The following MFSD12 variants were observed in gnomAD, a reference collection of about 807,000 sequenced individuals.
MFSD12 encodes major facilitator superfamily domain-containing protein 12.
In MFSD12, 67 loss-of-function variants were observed where a neutral mutation model predicts 51.2. The observed-to-expected ratio is 1.31, with a 90% CI of 1.08 to 1.60. MFSD12 has a LOEUF of 1.60. Ranked by LOEUF, MFSD12 falls within the 40% of genes most tolerant of loss-of-function variation. MFSD12 has a pLI of 0.00. For synonymous variants in MFSD12, 441 were observed against 316.7 expected (o/e 1.39, Z -4.17); for missense variants, 921 against 673.0 (o/e 1.37, Z -4.08).
At position 3,544,601 on chromosome 19, in the gene MFSD12, G is replaced by C. The variant is rs376212067; in HGVS notation, c.*109C>G. ...GGGAGCTGGGTGAGGATGGAGGGTG[G>C]GGGTCCAGAGAAGAGTGAGGGGCAG... On this transcript the variant is annotated 3_prime_UTR_variant, in exon 10 of 10. Transcript: ENST00000355415. The C allele has an allele frequency of 3.9e-3, 5,768 of 1,488,958 alleles. 17 individuals carry two copies. Among genetic ancestry groups the C allele is most frequent in the Non-Finnish European group, 4.6e-3 (5,148 of 1,121,728 alleles). The allele number at this position is 1,488,958 out of a possible 1,614,324, so 92.2% of individuals were successfully genotyped here. A position where few individuals can be genotyped will look rare whatever the true frequency, so the allele number is the denominator to read the frequency against.
At chr19:3,552,324 T>A (rs534426408) in intron 1 of MFSD12, among the ~76,000 whole-genome samples, 3 of 145,034 alleles carry the variant, frequency 2.1e-5, no homozygotes, top group Admixed American at 6.9e-5. Flanking sequence ...CATGCCACCA[T>A]ACCCAGCTAA....
At chr19:3,553,562 A>T (rs1222907721) in intron 1 of MFSD12, among the ~76,000 whole-genome samples, 9 of 150,938 alleles carry the variant, frequency 6.0e-5, no homozygotes, top group Non-Finnish European at 1.2e-4. Context: ...AGGTCAGGAG[A>T]TCGAGACCAT....
chr19:3,545,986 C>T, intron 8 of MFSD12, 88 bp downstream of exon 8: 1 of 1,416,008 alleles, frequency 7.1e-7, no homozygotes, highest in Non-Finnish European at 9.9e-7. Context: ...AGCTGGATGC[C>T]CAGACCCAGA....
chr19:3,542,807 G>A (rs777450876), downstream of MFSD12: 4 of 1,371,948 alleles, frequency 2.9e-6, no homozygotes, highest in Non-Finnish European at 3.9e-6. Context: ...TCTTCCCTGG[G>A]CCATGGCTTA....
In MFSD12 at chr19:3,548,185, C is replaced by G. The variant is rs1195679801; in HGVS notation, c.592G>C (p.Glu198Gln). 1 of 1,581,718 alleles carries G rather than the reference C, an allele frequency of 6.3e-7. No homozygotes were observed. The highest frequency in any genetic ancestry group is 1.1e-5 in the South Asian group (1 of 87,822). ...LLHLQGSSRVEPTQDISISDQ... is the reference protein window; with the variant it reads ...LLHLQGSSRVQPTQDISISDQ... ...CTGATGCTGATGTCTTGGGTGGGCT[C>G]CACCCGCGACGAGCCCTGCAGGTGC... Residue 198 changes from glutamate (E) to glutamine (Q), a missense_variant, in exon 3 of 10, where the codon GAG becomes CAG. Glu to Gln is a conservative substitution (Grantham distance 29). Transcript: ENST00000355415.
chr19:3,549,307 G>GT (rs1568259082), intron 2 of MFSD12, among the ~76,000 whole-genome samples: 4 of 152,196 alleles, frequency 2.6e-5, no homozygotes. Context: ...AGCAGCAGCT[G>GT]TAAGTCCACC....
intron 1 of MFSD12, among the ~76,000 whole-genome samples, chr19:3,552,573 C>G (rs1324660756): frequency 1.4e-5 from 2 of 147,768 alleles, no homozygotes; most frequent in Non-Finnish European, 3.0e-5. Flanking sequence ...CTCCCTAGCT[C>G]AAGCCATTCT....
chr19:3,546,810 C>T (rs2145191867), intron 6 of MFSD12, among the ~76,000 whole-genome samples: 1 of 152,264 alleles, frequency 6.6e-6, no homozygotes, highest in East Asian at 1.9e-4. Context: ...AGCCAGGATC[C>T]TAGAATTCCT....
rs1249698605 is a variant in MFSD12 at position 3,551,756 on chromosome 19, T to C, written c.299-562A>G. Among the ~76,000 whole-genome samples the C allele has an allele frequency of 1.3e-5, 2 of 152,102 alleles. No homozygotes were observed. Among genetic ancestry groups the C allele is most frequent in the Admixed American group, 6.5e-5 (1 of 15,272 alleles). ...AACCCCTAAGATACCCTGGAACAAATGTAAGATCCTCCCCGCAGCCCACGG... is the reference window on the plus strand; with the variant it reads ...AACCCCTAAGATACCCTGGAACAAACGTAAGATCCTCCCCGCAGCCCACGG... On this transcript the variant is annotated intron_variant, in intron 1 of 9. Coordinates refer to ENST00000355415, the MANE Select transcript of MFSD12 (RefSeq NM_174983.5). This position sits in a 1 kb window ranked among gnomAD's most constrained non-coding sequence, Gnocchi z 4.6.
Position 3,546,185 on chromosome 19 carries a change from G to A in MFSD12, c.1195-17C>T, listed in dbSNP as rs141514254. On this transcript the variant is annotated splice_polypyrimidine_tract_variant and intron_variant, in intron 7 of 9. Transcript: ENST00000355415. ...TCCGCTGTTCTGTGGAGACACAGGC[G>A]AGGTGGTCAGCGTGCACCCCGAGAT... 14,506 of 1,611,642 alleles carry A rather than the reference G, an allele frequency of 9.0e-3. 114 individuals carry two copies. The highest frequency in any genetic ancestry group is 0.026 in the South Asian group (2,402 of 91,054).
downstream of MFSD12, chr19:3,543,862 T>C (rs771039633): frequency 7.7e-6 from 12 of 1,548,424 alleles, no homozygotes; most frequent in Non-Finnish European, 1.0e-5. Flanking sequence ...GTGGAGCCAC[T>C]GTGGAGGGCA....
In MFSD12 at chr19:3,555,533, C is replaced by T. The variant is rs371924426; in HGVS notation, c.298+1573G>A. Reference sequence around the variant, plus strand: ...AAAGGAAGGGACAGCCGGTCCCCTCCCTGTCTGCCGCCGCCTCAGGTACCC... The same window carrying T: ...AAAGGAAGGGACAGCCGGTCCCCTCTCTGTCTGCCGCCGCCTCAGGTACCC... On this transcript the variant is annotated intron_variant, in intron 1 of 9. Transcript: ENST00000355415. 1.2e-4 allele frequency among the ~76,000 whole-genome samples: 18 copies of T among 152,364 alleles called. No homozygotes were observed. The East Asian group carries it at 2.1e-3, about 18-fold the overall frequency.
At chr19:3,549,309 A>G (rs965541624) in intron 2 of MFSD12, among the ~76,000 whole-genome samples, 9 of 152,178 alleles carry the variant, frequency 5.9e-5, no homozygotes, top group African/African-American at 2.2e-4. Flanking sequence ...CAGCAGCTGT[A>G]AGTCCACCAT....
downstream of MFSD12, chr19:3,543,689 A>C: frequency 1.3e-6 from 2 of 1,530,570 alleles, no homozygotes; most frequent in Non-Finnish European, 1.8e-6. Flanking sequence ...CGGTGAGGCT[A>C]GGTGCAGGGT....
exon 5 of MFSD12, chr19:3,538,564 C>G: frequency 2.5e-6 from 1 of 400,516 alleles, no homozygotes; most frequent in South Asian, 1.8e-5. Context: ...GTGTCTCTCA[C>G]TGAGCGTGAC....
Position 3,557,527 on chromosome 19 carries a change from G to T in MFSD12, c.-124C>A. The T allele has an allele frequency of 2.0e-6, 1 of 508,222 alleles. No individual in the cohort carries two copies. The highest frequency in any genetic ancestry group is 7.3e-5 in the East Asian group (1 of 13,758). 31.5% of individuals were successfully genotyped at this position (508,222 alleles called of 1,614,324 possible). A position where few individuals can be genotyped will look rare whatever the true frequency, so the allele number is the denominator to read the frequency against. On this transcript the variant is annotated 5_prime_UTR_variant, in exon 1 of 10. Coordinates refer to ENST00000355415, the MANE Select transcript of MFSD12 (RefSeq NM_174983.5). Reference sequence around the variant, plus strand: ...CCACGCGCCGGGCACCCCGCGTCCCGCTCTCTTACGGCCGCGCCCTCACCC... The same window carrying T: ...CCACGCGCCGGGCACCCCGCGTCCCTCTCTCTTACGGCCGCGCCCTCACCC...
rs1221201468 is a variant in MFSD12 at position 3,544,857 on chromosome 19, C to G, written c.1372G>C (p.Ala458Pro). The G allele has an allele frequency of 1.2e-6, 2 of 1,611,884 alleles. No individual in the cohort carries two copies. The highest frequency in any genetic ancestry group is 2.7e-5 in the African/African-American group (2 of 74,878). The change falls in exon 9 of 10, where the codon GCC becomes CCC. Residue 458 changes from alanine (A) to proline (P), a missense_variant. Physicochemically the swap from Ala to Pro is conservative, Grantham distance 27. Coordinates refer to ENST00000355415, the MANE Select transcript of MFSD12 (RefSeq NM_174983.5). ...AVTGGVGVAA[A>P]LCLCSLLLWP... is the part of the protein sequence containing the mutation. ...AGCAGGAGGCTACAGAGACACAGGG[C>G]AGCGGCCACGCCCACGCCGCCCGTC...
At chr19:3,538,703 G>A (rs367800146) in exon 5 of MFSD12, 21 of 473,660 alleles carry the variant, frequency 4.4e-5, no homozygotes, top group African/African-American at 1.4e-4. Context: ...GGTGTTCTCC[G>A]CCTCGGGCTG....
rs368286553 is a variant in MFSD12, at chr19:3,545,269, G to A, written c.1290-330C>T. Among the ~76,000 whole-genome samples, 30 of 152,302 alleles carry A rather than the reference G, an allele frequency of 2.0e-4. No homozygotes were observed. In the East Asian group the frequency reaches 5.0e-3, roughly 25 times the overall value. The stretch of plus-strand genomic sequence containing the variant: ...TCCTCCCGGCAGCAACCACCAGAGG[G>A]CGTCTGTGAGCGCCTGGGTCAGGGC... On this transcript the variant is annotated intron_variant, in intron 8 of 9. Transcript: ENST00000355415.
Sources: allele counts gnomAD v4.1 joint callset (sites outside exome capture counted in the v4.1 genomes callset), GRCh38; gene constraint gnomAD v4.1.1; non-coding constraint Gnocchi (gnomAD v3.1); transcripts MANE v1.5; gene names NCBI Gene and HGNC (gene_info 2026-07-23, HGNC 2026-07-21).